RAB7A: variants seen among roughly 807,000 people sequenced by gnomAD.
RAB7A encodes the protein ras-related protein Rab-7a.
Under a neutral mutation model 24.5 loss-of-function variants are expected in RAB7A, and 2 were observed. The observed-to-expected ratio is 0.08, with a 90% CI of 0.03 to 0.26. The LOEUF is 0.26. RAB7A is among the 10% of genes least tolerant of loss of function. The pLI, the probability that RAB7A is intolerant of heterozygous loss-of-function variation, is 1.00. For synonymous variants in RAB7A, 100 were observed against 95.9 expected (o/e 1.04, Z -0.25); for missense variants, 118 against 255.7 (o/e 0.46, Z 3.67).
In RAB7A at chr3:128,749,856, A is replaced by T. The variant is rs561242781; in HGVS notation, c.-9+23497A>T. On this transcript the variant is annotated intron_variant, in intron 1 of 5. Coordinates refer to ENST00000265062, the MANE Select transcript of RAB7A (RefSeq NM_004637.6). ...TTTTGTAAATTGCCCAGTCATGGGT[A>T]TGTCTTTATCAGCAGCATGAAAAAG... 5.5e-4 allele frequency among the ~76,000 whole-genome samples: 84 copies of T among 152,350 alleles called. 1 individual carries two copies. Among genetic ancestry groups the T allele is most frequent in the Non-Finnish European group, 1.1e-3 (74 of 68,026 alleles).
chr3:128,800,873 A>G (rs1248130438), intron 3 of RAB7A, among the ~76,000 whole-genome samples: 2 of 152,018 alleles, frequency 1.3e-5, no homozygotes, highest in African/African-American at 4.8e-5. Context: ...CAAGTTCCCA[A>G]GAGATTGAAG....
chr3:128,733,565 C>T (rs1012660466), intron 1 of RAB7A, among the ~76,000 whole-genome samples: 2 of 152,152 alleles, frequency 1.3e-5, no homozygotes, highest in South Asian at 2.1e-4. Context: ...GTCAAGCTGT[C>T]GGGAGGATTA....
At chr3:128,764,418 A>G in intron 1 of RAB7A, 1 of 731,474 alleles carries the variant, frequency 1.4e-6, no homozygotes, top group Non-Finnish European at 2.5e-6. Context: ...GCACTGCCTT[A>G]GTGACCAGGG....
At chr3:128,743,193 G>C (rs1407467103) in intron 1 of RAB7A, among the ~76,000 whole-genome samples, 1 of 152,220 alleles carries the variant, frequency 6.6e-6, no homozygotes. Context: ...CCCCAGGCCG[G>C]TGGCGCCAGC....
intron 1 of RAB7A, among the ~76,000 whole-genome samples, chr3:128,729,538 C>G (rs1052199371): frequency 6.7e-6 from 1 of 150,032 alleles, no homozygotes; most frequent in East Asian, 1.9e-4. Flanking sequence ...CCGCTGCACT[C>G]CAGCCTGGGC....
intron 2 of RAB7A, among the ~76,000 whole-genome samples, chr3:128,796,716 T>C (rs1933584703): frequency 6.6e-6 from 1 of 152,098 alleles, no homozygotes; most frequent in Admixed American, 6.5e-5. Context: ...CAGACTAAAG[T>C]GAATGGTGCA....
At chr3:128,767,812 A>G (rs1415882306) in intron 1 of RAB7A, among the ~76,000 whole-genome samples, 1 of 152,222 alleles carries the variant, frequency 6.6e-6, no homozygotes, top group Non-Finnish European at 1.5e-5. Context: ...TGCTGCTTCC[A>G]TGTCATCCCC....
intron 3 of RAB7A, among the ~76,000 whole-genome samples, chr3:128,799,716 C>T (rs984771139): frequency 6.6e-6 from 1 of 152,140 alleles, no homozygotes; most frequent in Admixed American, 6.5e-5. Flanking sequence ...ACTGGAAAAC[C>T]TTGGCCCAAG....
chr3:128,732,595 A>T (rs2070449817), intron 1 of RAB7A, among the ~76,000 whole-genome samples: 1 of 152,054 alleles, frequency 6.6e-6, no homozygotes, highest in South Asian at 2.1e-4. Flanking sequence ...TTGGGAGGGT[A>T]AGGCAGGAGG....
rs796312435 is a variant in RAB7A at position 128,795,782 on chromosome 3, C to T, written c.53+362C>T. ...TTTTTTTTTTTTGGAGACAGAGTCT[C>T]GCTCTGTCGCCCAGGCTGGAGTGCA... On this transcript the variant is annotated intron_variant, in intron 2 of 5. Coordinates refer to ENST00000265062, the MANE Select transcript of RAB7A (RefSeq NM_004637.6). 5.4e-3 allele frequency among the ~76,000 whole-genome samples: 69 copies of T among 12,718 alleles called. 1 individual carries two copies. Among genetic ancestry groups the T allele is most frequent in the Middle Eastern group, 0.25 (1 of 4 alleles). 8.3% of individuals were successfully genotyped at this position (12,718 alleles called of 152,430 possible). A position where few individuals can be genotyped will look rare whatever the true frequency, so the allele number is the denominator to read the frequency against.
intron 4 of RAB7A, among the ~76,000 whole-genome samples, chr3:128,807,248 A>G (rs1933823802): frequency 6.6e-6 from 1 of 152,094 alleles, no homozygotes; most frequent in African/African-American, 2.4e-5. Context: ...TTCTTCCCGG[A>G]CTGGCTTCTT....
intron 5 of RAB7A, among the ~76,000 whole-genome samples, chr3:128,808,380 TA>T (rs747963558): frequency 3.3e-5 from 5 of 151,650 alleles, no homozygotes; most frequent in African/African-American, 7.3e-5. Flanking sequence ...AAAATTAAAA[TA>T]AAAAAAATTA....
intron 1 of RAB7A, among the ~76,000 whole-genome samples, chr3:128,762,734 T>G (rs565523133): frequency 2.0e-5 from 3 of 152,304 alleles, no homozygotes; most frequent in South Asian, 4.1e-4. Flanking sequence ...TTAGCTAGAT[T>G]AGGATCCAGT....
intron 1 of RAB7A, among the ~76,000 whole-genome samples, chr3:128,770,949 A>T (rs192409019): frequency 6.2e-4 from 94 of 152,062 alleles, no homozygotes; most frequent in African/African-American, 2.1e-3. Context: ...CCTAATATTT[A>T]AATGTTAAGA....
At position 128,764,764 on chromosome 3, in the gene RAB7A, T is replaced by C. The variant is rs2070812209; in HGVS notation, c.-8-30596T>C. ...GTCATCACAGACTGGTTTCTTGATATCCTGAAGGAAGATTTGGCCACCACG... is the reference window on the plus strand; with the variant it reads ...GTCATCACAGACTGGTTTCTTGATACCCTGAAGGAAGATTTGGCCACCACG... On this transcript the variant is annotated intron_variant, in intron 1 of 5. Transcript: ENST00000265062. The C allele has an allele frequency of 4.3e-5, 35 of 818,326 alleles. 1 individual carries two copies. The East Asian group carries it at 7.0e-4, about 16-fold the overall frequency. The allele number at this position is 818,326 out of a possible 1,614,324, so 50.7% of individuals were successfully genotyped here. A position where few individuals can be genotyped will look rare whatever the true frequency, so the allele number is the denominator to read the frequency against.
chr3:128,770,728 C>T (rs1004227002), intron 1 of RAB7A, among the ~76,000 whole-genome samples: 2 of 152,114 alleles, frequency 1.3e-5, no homozygotes, highest in African/African-American at 2.4e-5. Context: ...TTCGTTCTTT[C>T]TGCTGTCAAA....
chr3:128,813,318 C>T lies in RAB7A; in HGVS notation c.529-9C>T. On this transcript the variant is annotated splice_polypyrimidine_tract_variant and intron_variant, in intron 5 of 5. Transcript: ENST00000265062. ...TGAGTAACCAACCTTTCTCTGTTTC[C>T]TTGTCCAGGAAACGGAGGTGGAGCT... 2 of 1,612,798 alleles carry T rather than the reference C, an allele frequency of 1.2e-6. No homozygotes were observed. Among genetic ancestry groups the T allele is most frequent in the Non-Finnish European group, 1.7e-6 (2 of 1,178,776 alleles).
At chr3:128,755,113 C>T (rs2070718327) in intron 1 of RAB7A, among the ~76,000 whole-genome samples, 2 of 152,016 alleles carry the variant, frequency 1.3e-5, no homozygotes, top group South Asian at 4.1e-4. Context: ...TACATTAGGC[C>T]AGAAATTAAG....
intron 1 of RAB7A, among the ~76,000 whole-genome samples, chr3:128,735,500 G>A (rs188526088): frequency 7.2e-5 from 11 of 152,346 alleles, no homozygotes; most frequent in Admixed American, 2.0e-4. Context: ...TATGGGTGAG[G>A]AATGGCTTTG....
Sources: gnomAD v4.1 joint callset for allele counts (sites outside exome capture counted in the v4.1 genomes callset) on GRCh38, gnomAD v4.1.1 for gene constraint, MANE v1.5 for transcripts, NCBI Gene and HGNC (gene_info 2026-07-23, HGNC 2026-07-21) for gene names.